Variants in HTATSF1 observed in about 807,000 individuals in gnomAD.
HTATSF1 encodes the protein HIV-1 Tat specific factor 1.
In HTATSF1, 6 loss-of-function variants were observed where a neutral mutation model predicts 46.1. The ratio of observed to expected loss-of-function variants is 0.13; its 90% CI spans 0.07 to 0.26. HTATSF1 has a LOEUF of 0.26. HTATSF1 is among the 10% of genes least tolerant of loss of function. HTATSF1 has a pLI of 1.00. For synonymous variants in HTATSF1, 226 were observed against 211.5 expected, an observed-to-expected ratio of 1.07 and a Z score of -0.60; for missense variants, 452 against 559.9, an observed-to-expected ratio of 0.81 and a Z score of 1.94.
intron 4 of HTATSF1, 67 bp from the exon 5 acceptor site, chrX:136,502,711 A>G (rs1318037118): frequency 1.7e-6 from 1 of 578,115 alleles, no homozygotes; most frequent in East Asian, 4.0e-5. Context: ...ATCATCGTTC[A>G]TCTAAAAAAC....
chrX:136,498,569 T>A (rs779563972), intron 1 of HTATSF1, among the ~76,000 whole-genome samples: 1 of 112,689 alleles, frequency 8.9e-6, no homozygotes, highest in Non-Finnish European at 1.9e-5. Context: ...AAGGGCACAC[T>A]AATAGCACAC....
chrX:136,506,931 C>T (rs752807537), intron 6 of HTATSF1, among the ~76,000 whole-genome samples: 1 of 112,582 alleles, frequency 8.9e-6, no homozygotes, highest in Non-Finnish European at 1.9e-5. Context: ...TTCAGTTCAT[C>T]GCTTCTACTA....
At position 136,511,762 on chromosome X, in the gene HTATSF1, T is replaced by C; in HGVS notation, c.2017T>C (p.Phe673Leu). Residue 673 changes from phenylalanine (F) to leucine (L), a missense_variant, in exon 9 of 9, where the codon TTT becomes CTT. Physicochemically the swap from Phe to Leu is conservative, Grantham distance 22 (BLOSUM62 0). Around this residue, in one of 3 missense-constraint regions of HTATSF1, gnomAD observed 246 missense variants for 245.3 expected, o/e 1.00. Transcript: ENST00000218364. Reference protein sequence around the residue: ...AEEGDADEKLFEESDDKEDED... With the variant: ...AEEGDADEKLLEESDDKEDED... ...AGAAGGTGATGCAGATGAAAAGCTG[T>C]TTGAAGAGTCAGATGACAAGGAAGA... 2 of 1,211,696 alleles carry C rather than the reference T, an allele frequency of 1.7e-6. No homozygotes were observed. The highest frequency in any genetic ancestry group is 2.2e-6 in the Non-Finnish European group (2 of 895,482).
At chrX:136,501,747 T>C (rs2075719301) in intron 4 of HTATSF1, among the ~76,000 whole-genome samples, 1 of 111,966 alleles carries the variant, frequency 8.9e-6, no homozygotes, top group Admixed American at 9.5e-5. Flanking sequence ...GCTGACAGCT[T>C]TTTGGGAAAT....
chrX:136,505,960 A>G (rs1412720636), intron 6 of HTATSF1, among the ~76,000 whole-genome samples: 1 of 111,993 alleles, frequency 8.9e-6, no homozygotes, highest in Non-Finnish European at 1.9e-5. Context: ...TAGGTGACAT[A>G]TTTATTTCTG....
intron 6 of HTATSF1, among the ~76,000 whole-genome samples, chrX:136,508,024 C>T (rs1191978859): frequency 8.9e-6 from 1 of 112,246 alleles, no homozygotes; most frequent in Admixed American, 9.4e-5. Context: ...GTTCTGCCAA[C>T]TGTAGTTTTA....
In HTATSF1 at chrX:136,511,962, C is replaced by T; in HGVS notation, c.2217C>T (p.Ser739=). The T allele has an allele frequency of 1.7e-6, 2 of 1,210,194 alleles. No individual in the cohort carries two copies. Among genetic ancestry groups the T allele is most frequent in the Non-Finnish European group, 1.1e-6 (1 of 894,787 alleles). ...GGAGTGTTGAAGAAGGGCCCCTATCCACTGGCAGCAGCTTTATTCTCAGTA... is the reference window on the plus strand; with the variant it reads ...GGAGTGTTGAAGAAGGGCCCCTATCTACTGGCAGCAGCTTTATTCTCAGTA... ...GFGSVEEGPL[S]TGSSFILSSD... is the part of the protein sequence containing the mutation. Residue 739 remains serine, a synonymous_variant, in exon 9 of 9, where the codon TCC becomes TCT. Transcript: ENST00000218364.
Position 136,497,882 on chromosome X carries a change from C to A in HTATSF1, c.186+12C>A. 8.9e-7 allele frequency: 1 copy of A among 1,125,394 alleles called. No individual in the cohort carries two copies. Among genetic ancestry groups the A allele is most frequent in the Non-Finnish European group, 1.2e-6 (1 of 841,395 alleles). The allele number at this position is 1,125,394 out of a possible 1,213,427, so 92.7% of individuals were successfully genotyped here. A position where few individuals can be genotyped will look rare whatever the true frequency, so the allele number is the denominator to read the frequency against. On this transcript the variant is annotated intron_variant, in intron 1 of 8. Transcript: ENST00000218364. ...CTTGGTTCCCCAAGGTAGGAGAGTGCCACGGGCGCCACTGCAGAGCGGGCC... is the reference window on the plus strand; with the variant it reads ...CTTGGTTCCCCAAGGTAGGAGAGTGACACGGGCGCCACTGCAGAGCGGGCC...
At position 136,499,752 on chromosome X, in the gene HTATSF1, A is replaced by G. The variant is rs1431408991; in HGVS notation, c.341A>G (p.Lys114Arg). 1 of 1,178,881 alleles carries G rather than the reference A, an allele frequency of 8.5e-7. No individual in the cohort carries two copies. The highest frequency in any genetic ancestry group is 1.1e-6 in the Non-Finnish European group (1 of 885,570). ...CCGGAACCCACTGATGCCAGAAAGA[A>G]GGGAGAAAAAAGAAAGGCTGAGTCA... is the stretch of plus-strand genomic sequence containing the variant. The part of the protein sequence containing the change: ...KAPEPTDARK[K>R]GEKRKAESGW... The change falls in exon 2 of 9, where the codon AAG becomes AGG. Residue 114 changes from lysine (K) to arginine (R), a missense_variant. Transcript: ENST00000218364.
chrX:136,511,296 T>A lies in HTATSF1; in HGVS notation c.1551T>A (p.Leu517=). The A allele has an allele frequency of 8.3e-7, 1 of 1,207,458 alleles. No homozygotes were observed. The highest frequency in any genetic ancestry group is 2.2e-5 in the Admixed American group (1 of 45,004). ...TLKNDCEENG[L]AKESEDDLNK... ...AAAATGATTGTGAAGAGAATGGCCT[T>A]GCAAAGGAATCTGAAGATGACCTCA... The change falls in exon 9 of 9, where the codon CTT becomes CTA. Residue 517 remains leucine (L), a synonymous_variant. Coordinates refer to ENST00000218364, the MANE Select transcript of HTATSF1 (RefSeq NM_014500.5).
chrX:136,499,836 A>G (rs1240115264), intron 2 of HTATSF1, 58 bp downstream of exon 2: 13 of 911,974 alleles, frequency 1.4e-5, no homozygotes, highest in Non-Finnish European at 1.9e-5. Flanking sequence ...GGGTGTGCAT[A>G]GGTACAGTTG....
In HTATSF1 at chrX:136,511,253, C is replaced by CT; in HGVS notation, c.1509dup (p.Lys504Ter). 1 of 1,208,622 alleles carries CT rather than the reference C, an allele frequency of 8.3e-7. No homozygotes were observed. The highest frequency in any genetic ancestry group is 1.1e-6 in the Non-Finnish European group (1 of 894,666). ...GAAGAGGATAGTCCTAAAAAAGAGT[C>CT]TAAAAAGAAGACACTCAAAAATGAT... On this transcript the variant is annotated frameshift_variant, in exon 9 of 9. Transcript: ENST00000218364. LOFTEE classifies it high-confidence loss of function.
chrX:136,499,497 G>T, intron 1 of HTATSF1, 101 bp from the exon 2 acceptor site: 1 of 600,314 alleles, frequency 1.7e-6, no homozygotes, highest in Non-Finnish European at 2.5e-6. Context: ...ACACTTTTGT[G>T]TTAAGTTGTA....
intron 4 of HTATSF1, 103 bp downstream of exon 4, chrX:136,500,921 A>G (rs779603433): frequency 4.9e-5 from 25 of 508,220 alleles, no homozygotes; most frequent in Non-Finnish European, 7.2e-5. Context: ...ACTGTTCAAA[A>G]CAGGATATGA....
intron 7 of HTATSF1, among the ~76,000 whole-genome samples, chrX:136,509,483 CTT>C (rs1378555382): frequency 8.9e-6 from 1 of 111,837 alleles, no homozygotes; most frequent in African/African-American, 3.3e-5. Flanking sequence ...ATTTTCCCCT[CTT>C]TGTGAATTAT....
At position 136,499,689 on chromosome X, in the gene HTATSF1, A is replaced by T. The variant is rs780920403; in HGVS notation, c.278A>T (p.His93Leu). Reference sequence around the variant, plus strand: ...TCTACCGCAAATGTTGAAGATGTCCATGCTAGGACTGCAGAGGAACCTCCA... The same window carrying T: ...TCTACCGCAAATGTTGAAGATGTCCTTGCTAGGACTGCAGAGGAACCTCCA... Reference protein sequence around the residue: ...SSSTANVEDVHARTAEEPPQE... With the variant: ...SSSTANVEDVLARTAEEPPQE... Residue 93 changes from histidine (H) to leucine (L), a missense_variant, in exon 2 of 9, where the codon CAT becomes CTT. Physicochemically the swap from His to Leu is moderately conservative, Grantham distance 99. Around this residue, in one of 3 missense-constraint regions of HTATSF1, gnomAD observed 89 missense variants for 92.3 expected, o/e 0.96. Coordinates refer to ENST00000218364, the MANE Select transcript of HTATSF1 (RefSeq NM_014500.5). The T allele has an allele frequency of 3.3e-6, 4 of 1,199,370 alleles. No individual in the cohort carries two copies. Among genetic ancestry groups the T allele is most frequent in the East Asian group, 6.0e-5 (2 of 33,432 alleles).
At position 136,499,667 on chromosome X, in the gene HTATSF1, A is replaced by G; in HGVS notation, c.256A>G (p.Thr86Ala). The G allele has an allele frequency of 2.5e-6, 3 of 1,202,653 alleles. No homozygotes were observed. The highest frequency in any genetic ancestry group is 3.4e-6 in the Non-Finnish European group (3 of 891,734). The stretch of plus-strand genomic sequence containing the variant: ...CTCTAACGATGGCGCATCTAGTTCT[A>G]CCGCAAATGTTGAAGATGTCCATGC... Reference protein sequence around the residue: ...GFSNDGASSSTANVEDVHART... With the variant: ...GFSNDGASSSAANVEDVHART... The change falls in exon 2 of 9, where the codon ACC becomes GCC. Residue 86 changes from threonine (T) to alanine (A), a missense_variant. This residue lies in a region of HTATSF1 where 89 missense variants were observed against 92.3 expected (regional missense o/e 0.96). Transcript: ENST00000218364.
chrX:136,500,078 C>T, intron 2 of HTATSF1, 80 bp from the exon 3 acceptor site: 1 of 680,993 alleles, frequency 1.5e-6, no homozygotes, highest in Non-Finnish European at 2.4e-6. Flanking sequence ...CAAGAAACTG[C>T]TGCTTTGTCA....
intron 5 of HTATSF1, among the ~76,000 whole-genome samples, chrX:136,503,387 CTAT>C (rs994383117): frequency 1.5e-4 from 17 of 111,909 alleles, no homozygotes; most frequent in East Asian, 5.5e-4. Context: ...CATCAAGTTT[CTAT>C]TATTATTCTG....
Sources: allele counts gnomAD v4.1 joint callset (sites outside exome capture counted in the v4.1 genomes callset), GRCh38; gene constraint gnomAD v4.1.1; regional missense constraint gnomAD v4.1.1; transcripts MANE v1.5; gene names NCBI Gene and HGNC (gene_info 2026-07-23, HGNC 2026-07-21).